DGKB: variants seen among roughly 807,000 people sequenced by gnomAD.
DGKB encodes 90 kDa diacylglycerol kinase.
A neutral mutation model predicts 114.3 loss-of-function variants in DGKB; 67 were observed. The ratio of observed to expected loss-of-function variants is 0.59; its 90% CI spans 0.48 to 0.72. The LOEUF is 0.72. DGKB is among the 30% of genes least tolerant of loss of function. The pLI, the probability that DGKB is intolerant of heterozygous loss-of-function variation, is 0.00. For synonymous variants in DGKB, 398 were observed against 323.1 expected (o/e 1.23, Z -2.49); for missense variants, 907 against 975.2 (o/e 0.93, Z 0.93).
chr7:14,648,095 A>G (rs983514020), intron 13 of DGKB, among the ~76,000 whole-genome samples: 3 of 152,236 alleles, frequency 2.0e-5, no homozygotes, highest in African/African-American at 7.2e-5. Flanking sequence ...CCCAGGCTTG[A>G]TTAGGTAAAC....
chr7:14,575,721 G>A (rs1799025014), intron 19 of DGKB, among the ~76,000 whole-genome samples: 1 of 152,014 alleles, frequency 6.6e-6, no homozygotes, highest in South Asian at 2.1e-4. Flanking sequence ...CACACACATA[G>A]TCCTAAAATG....
At chr7:14,906,835 A>T (rs1783736739), upstream of DGKB, among the ~76,000 whole-genome samples, 1 of 152,220 alleles carries the variant, frequency 6.6e-6, no homozygotes, top group Non-Finnish European at 1.5e-5. Context: ...TTCAACAAAC[A>T]TTTATTAAAC....
chr7:14,831,097 T>C (rs2058713534), intron 2 of DGKB, among the ~76,000 whole-genome samples: 1 of 151,962 alleles, frequency 6.6e-6, no homozygotes, highest in Non-Finnish European at 1.5e-5. Context: ...GTAAATCTCC[T>C]ACTTTGAAAA....
intron 21 of DGKB, among the ~76,000 whole-genome samples, chr7:14,393,138 C>T (rs1821666540): frequency 1.3e-5 from 2 of 151,638 alleles, no homozygotes; most frequent in Admixed American, 6.6e-5. Context: ...TACAGGCGCC[C>T]GCCACCTTGC....
intron 2 of DGKB, among the ~76,000 whole-genome samples, chr7:14,766,907 G>A (rs1836540270): frequency 6.6e-6 from 1 of 151,718 alleles, no homozygotes; most frequent in South Asian, 2.1e-4. Context: ...AGCAGATTTA[G>A]CAAGACTTTT....
chr7:14,942,904 C>A (rs1174135410), intron 1 of DGKB, among the ~76,000 whole-genome samples: 1 of 152,010 alleles, frequency 6.6e-6, no homozygotes, highest in African/African-American at 2.4e-5. Flanking sequence ...TGTCTCAAAG[C>A]CTGATCTAGC....
chr7:14,740,406 G>T (rs540338267), intron 4 of DGKB, among the ~76,000 whole-genome samples: 1 of 152,200 alleles, frequency 6.6e-6, no homozygotes, highest in African/African-American at 2.4e-5. Context: ...GATTTTTCTT[G>T]AAAAGTGTTT....
intron 13 of DGKB, among the ~76,000 whole-genome samples, chr7:14,647,530 C>A (rs1198838051): frequency 6.6e-6 from 1 of 152,124 alleles, no homozygotes; most frequent in Non-Finnish European, 1.5e-5. Flanking sequence ...CACAAAACAA[C>A]AACAAACTAC....
At chr7:14,657,763 A>G (rs1208961391) in intron 13 of DGKB, among the ~76,000 whole-genome samples, 1 of 151,930 alleles carries the variant, frequency 6.6e-6, no homozygotes, top group Non-Finnish European at 1.5e-5. Flanking sequence ...TATTACAGAG[A>G]ATTCAAAATT....
chr7:14,821,520 A>C lies in DGKB; in HGVS notation c.70+19674T>G, dbSNP rs1438257138. On this transcript the variant is annotated intron_variant, in intron 2 of 25. Transcript: ENST00000402815. The stretch of plus-strand genomic sequence containing the variant: ...GCCGAAAACTGAAAGGTGAAAAGGA[A>C]GCTTGGGAAAAATAAAAATAAAAAT... Among the ~76,000 whole-genome samples, 2 of 152,152 alleles carry C rather than the reference A, an allele frequency of 1.3e-5. 1 individual carries two copies. The highest frequency in any genetic ancestry group is 2.9e-5 in the Non-Finnish European group (2 of 68,024).
chr7:14,341,110 C>T (rs532902170), intron 22 of DGKB, among the ~76,000 whole-genome samples: 1 of 151,644 alleles, frequency 6.6e-6, no homozygotes, highest in Non-Finnish European at 1.5e-5. Context: ...TTTAGGGAAA[C>T]AGAGTAAGTA....
At chr7:14,963,864 A>C (rs1787003379) in intron 1 of DGKB, among the ~76,000 whole-genome samples, 1 of 152,176 alleles carries the variant, frequency 6.6e-6, no homozygotes, top group Non-Finnish European at 1.5e-5. Flanking sequence ...AAGCACTGGC[A>C]AACGTGAATA....
chr7:14,546,805 G>T (rs1794360555), intron 20 of DGKB, among the ~76,000 whole-genome samples: 1 of 152,174 alleles, frequency 6.6e-6, no homozygotes, highest in Admixed American at 6.5e-5. Flanking sequence ...CCTGATGCCA[G>T]AAACACTCCT....
chr7:14,642,386 T>A (rs1228749927), intron 13 of DGKB, among the ~76,000 whole-genome samples: 1 of 152,132 alleles, frequency 6.6e-6, no homozygotes, highest in Non-Finnish European at 1.5e-5. Context: ...TATTAGTATT[T>A]TATTTGGCAA....
chr7:14,518,858 T>TTTTTTAACAAGCTTTTTA (rs1789277651), intron 20 of DGKB, among the ~76,000 whole-genome samples: 1 of 151,980 alleles, frequency 6.6e-6, no homozygotes, highest in Non-Finnish European at 1.5e-5. Context: ...CTTGTTAAAA[T>TTTTTTAACAAGCTTTTTA]ACAGATTCTT....
At chr7:14,595,530 T>G (rs1802429626) in intron 17 of DGKB, among the ~76,000 whole-genome samples, 1 of 98,234 alleles carries the variant, frequency 1.0e-5, no homozygotes, top group African/African-American at 5.7e-5. Flanking sequence ...TTATAAAAAT[T>G]GAGGCCCCCC....
At chr7:14,946,710 C>A (rs980620921) in intron 1 of DGKB, among the ~76,000 whole-genome samples, 1 of 151,604 alleles carries the variant, frequency 6.6e-6, no homozygotes, top group Non-Finnish European at 1.5e-5. Flanking sequence ...AATATCCTAG[C>A]CATTGAAGAA....
intron 20 of DGKB, among the ~76,000 whole-genome samples, chr7:14,554,703 AG>A (rs1290832594): frequency 6.6e-6 from 1 of 152,146 alleles, no homozygotes; most frequent in Non-Finnish European, 1.5e-5. Context: ...ATTGACTGAT[AG>A]AGATCATCAG....
At chr7:14,423,686 G>A (rs1193873784) in intron 21 of DGKB, among the ~76,000 whole-genome samples, 4 of 152,054 alleles carry the variant, frequency 2.6e-5, no homozygotes, top group Non-Finnish European at 5.9e-5. Flanking sequence ...CTTTTACGAA[G>A]TTAACAGAGA....
Sources: gnomAD v4.1 joint callset for allele counts (sites outside exome capture counted in the v4.1 genomes callset) on GRCh38, gnomAD v4.1.1 for gene constraint, MANE v1.5 for transcripts, NCBI Gene and HGNC (gene_info 2026-07-23, HGNC 2026-07-21) for gene names.